MACROD2: variants seen among roughly 807,000 people sequenced by gnomAD.
The protein encoded by MACROD2 is mono-ADP ribosylhydrolase 2.
Under a neutral mutation model 70.4 loss-of-function variants are expected in MACROD2, and 36 were observed. The observed-to-expected ratio is 0.51, with a 90% CI of 0.39 to 0.68. The LOEUF is 0.68. MACROD2 is among the 30% of genes least tolerant of loss of function. The pLI, the probability that MACROD2 is intolerant of heterozygous loss-of-function variation, is 0.00. For synonymous variants in MACROD2, 172 were observed against 178.8 expected (o/e 0.96, Z 0.30); for missense variants, 496 against 538.4 (o/e 0.92, Z 0.78).
chr20:14,907,367 T>C (rs918951311), intron 5 of MACROD2, among the ~76,000 whole-genome samples: 5 of 152,186 alleles, frequency 3.3e-5, no homozygotes, highest in African/African-American at 1.2e-4. Flanking sequence ...AAAGTTGCAG[T>C]CTAACATCAC....
At chr20:15,964,511 C>A (rs1308745203) in intron 12 of MACROD2, among the ~76,000 whole-genome samples, 1 of 152,126 alleles carries the variant, frequency 6.6e-6, no homozygotes, top group Admixed American at 6.6e-5. Context: ...GGCCCCACCC[C>A]CTAGTGCCAT....
At position 15,318,068 on chromosome 20, in the gene MACROD2, T is replaced by G. The variant is rs367752096; in HGVS notation, c.540+88007T>G. Among the ~76,000 whole-genome samples, 30 of 151,868 alleles carry G rather than the reference T, an allele frequency of 2.0e-4. 1 individual carries two copies. Among genetic ancestry groups the G allele is most frequent in the East Asian group, 1.5e-3 (8 of 5,176 alleles). On this transcript the variant is annotated intron_variant, in intron 6 of 17. Coordinates refer to ENST00000684519, the MANE Select transcript of MACROD2 (RefSeq NM_001351661.2). ...AAACAGAAGTTGCACTTAATTGAAA[T>G]CAGAAGAAAACAGAAGTTGCACTTA... is the stretch of plus-strand genomic sequence containing the variant.
chr20:14,200,669 T>G (rs1601340831), intron 3 of MACROD2, among the ~76,000 whole-genome samples: 1 of 152,364 alleles, frequency 6.6e-6, no homozygotes, highest in South Asian at 2.1e-4. Flanking sequence ...AATAGCTTTC[T>G]TAATTGTTGG....
At chr20:14,590,953 A>T (rs1175647831) in intron 4 of MACROD2, among the ~76,000 whole-genome samples, 3 of 152,158 alleles carry the variant, frequency 2.0e-5, no homozygotes, top group African/African-American at 7.2e-5. Flanking sequence ...GATTTTAGAG[A>T]CATACATTAT....
intron 3 of MACROD2, among the ~76,000 whole-genome samples, chr20:14,169,053 C>CT (rs2081195727): frequency 6.6e-6 from 1 of 152,092 alleles, no homozygotes; most frequent in Admixed American, 6.6e-5. Context: ...GTTTAACATA[C>CT]ACAAGTCAAT....
intron 6 of MACROD2, among the ~76,000 whole-genome samples, chr20:15,315,398 AT>A (rs2077798859): frequency 1.3e-5 from 2 of 152,252 alleles, no homozygotes; most frequent in Admixed American, 6.5e-5. Flanking sequence ...GAGACACATT[AT>A]AACCAAACTG....
At chr20:15,104,273 A>C (rs2075894938) in intron 5 of MACROD2, among the ~76,000 whole-genome samples, 2 of 152,118 alleles carry the variant, frequency 1.3e-5, no homozygotes, top group African/African-American at 2.4e-5. Context: ...TAGTAGGATA[A>C]GTTCTTTGCA....
intron 8 of MACROD2, among the ~76,000 whole-genome samples, chr20:15,622,551 A>T (rs2049142767): frequency 6.6e-6 from 1 of 152,170 alleles, no homozygotes; most frequent in Admixed American, 6.6e-5. Context: ...CAGTGTGGAT[A>T]CACTGGACAC....
At chr20:14,389,714 A>G (rs547126343) in intron 3 of MACROD2, among the ~76,000 whole-genome samples, 3 of 152,312 alleles carry the variant, frequency 2.0e-5, no homozygotes, top group Non-Finnish European at 2.9e-5. Flanking sequence ...GGCACCATGT[A>G]CAATCTATTA....
intron 6 of MACROD2, among the ~76,000 whole-genome samples, chr20:15,420,333 G>A (rs527776464): frequency 3.3e-5 from 5 of 152,116 alleles, no homozygotes; most frequent in South Asian, 2.1e-4. Context: ...ATGACTTTAC[G>A]ACAGCTATTT....
intron 5 of MACROD2, among the ~76,000 whole-genome samples, chr20:14,785,813 T>G (rs58047103): frequency 0.059 from 8,901 of 152,152 alleles, 334 homozygotes; most frequent in African/African-American, 0.096. Flanking sequence ...TCTGTATTTG[T>G]CTTCCATCTT....
At chr20:15,815,543 G>A (rs987203913) in intron 8 of MACROD2, among the ~76,000 whole-genome samples, 2 of 151,980 alleles carry the variant, frequency 1.3e-5, no homozygotes, top group Non-Finnish European at 2.9e-5. Context: ...ACAAGAAATG[G>A]GAGAGAATAG....
At chr20:14,074,975 CCA>C (rs2053898702) in intron 2 of MACROD2, among the ~76,000 whole-genome samples, 1 of 152,122 alleles carries the variant, frequency 6.6e-6, no homozygotes, top group Non-Finnish European at 1.5e-5. Context: ...TGCTATACAG[CCA>C]TTAAGTCACT....
chr20:15,784,674 TG>T (rs2051890238), intron 8 of MACROD2, among the ~76,000 whole-genome samples: 1 of 152,106 alleles, frequency 6.6e-6, no homozygotes, highest in Non-Finnish European at 1.5e-5. Context: ...TATTGATGAA[TG>T]GATGGAGAAA....
intron 4 of MACROD2, among the ~76,000 whole-genome samples, chr20:14,505,362 G>A (rs765765548): frequency 3.2e-4 from 49 of 152,170 alleles, no homozygotes; most frequent in Non-Finnish European, 6.2e-4. Flanking sequence ...TCTTAAATCT[G>A]TCTAGTGTTT....
chr20:15,490,165 TCCTC>T (rs1353964160), intron 7 of MACROD2, among the ~76,000 whole-genome samples: 2 of 143,434 alleles, frequency 1.4e-5, no homozygotes, highest in African/African-American at 5.2e-5. Flanking sequence ...CTTCCTTCCT[TCCTC>T]CTTTCCTTCC....
At chr20:15,729,343 T>C (rs1196117086) in intron 8 of MACROD2, among the ~76,000 whole-genome samples, 2 of 152,202 alleles carry the variant, frequency 1.3e-5, no homozygotes, top group Non-Finnish European at 2.9e-5. Context: ...ATGTGAAGAT[T>C]AGAAGAATGC....
chr20:14,992,680 C>T (rs2074915320), intron 5 of MACROD2, among the ~76,000 whole-genome samples: 1 of 150,424 alleles, frequency 6.6e-6, no homozygotes, highest in Non-Finnish European at 1.5e-5. Flanking sequence ...ATAGCCTTTT[C>T]CTAAGTAGAC....
At chr20:15,642,273 A>G (rs760488070) in intron 8 of MACROD2, among the ~76,000 whole-genome samples, 1 of 152,222 alleles carries the variant, frequency 6.6e-6, no homozygotes, top group Non-Finnish European at 1.5e-5. Flanking sequence ...CTGAAAGGAT[A>G]GATAGTATCG....
Sources: gnomAD v4.1 joint callset for allele counts (sites outside exome capture counted in the v4.1 genomes callset) on GRCh38, gnomAD v4.1.1 for gene constraint, MANE v1.5 for transcripts, NCBI Gene and HGNC (gene_info 2026-07-23, HGNC 2026-07-21) for gene names.